Variants in GDPD4 observed in about 807,000 individuals in gnomAD.
GDPD4 encodes glycerophosphodiester phosphodiesterase domain containing 4, also known as glycerophosphodiester phosphodiesterase 6.
In GDPD4, 60 loss-of-function variants were observed where a neutral mutation model predicts 67.8. That is an observed-to-expected ratio of 0.88 (90% CI 0.72 to 1.10). The LOEUF (loss-of-function observed/expected upper bound fraction) is 1.10. GDPD4 is among the 50% of genes least tolerant of loss of function. The pLI is 0.00. For missense variants in GDPD4, 623 were observed against 613.9 expected (o/e 1.01, Z -0.16); for synonymous variants, 212 against 210.9 (o/e 1.00, Z -0.04).
intron 13 of GDPD4, among the ~76,000 whole-genome samples, chr11:77,243,357 C>T (rs1036461651): frequency 6.6e-6 from 1 of 152,082 alleles, no homozygotes; most frequent in Non-Finnish European, 1.5e-5. Flanking sequence ...AGGAAATAAA[C>T]GTTTTGAGTT....
intron 10 of GDPD4, among the ~76,000 whole-genome samples, chr11:77,258,902 G>A (rs912550396): frequency 6.6e-6 from 1 of 152,214 alleles, no homozygotes; most frequent in African/African-American, 2.4e-5. Context: ...CTAAGCAGGT[G>A]TCCACACAGT....
intron 11 of GDPD4, among the ~76,000 whole-genome samples, chr11:77,250,766 A>G (rs896303813): frequency 1.3e-5 from 2 of 152,244 alleles, no homozygotes; most frequent in African/African-American, 2.4e-5. Flanking sequence ...AGTCACCAAC[A>G]TTTACTGTGT....
chr11:77,229,218 A>G lies in GDPD4; in HGVS notation c.1404T>C (p.Tyr468=), dbSNP rs1427159980. 1.9e-6 allele frequency: 3 copies of G among 1,603,596 alleles called. No homozygotes were observed. The highest frequency in any genetic ancestry group is 1.7e-5 in the Admixed American group (1 of 58,582). Residue 468 remains tyrosine (Y), a synonymous_variant, in exon 15 of 17, where the codon TAT becomes TAC. Coordinates refer to ENST00000315938, the MANE Select transcript of GDPD4 (RefSeq NM_182833.3). ...TATCTGCAAGGAGCCACATGAACACATAGAACTTTGGTGTCTGAAAAACAT... is the reference window on the plus strand; with the variant it reads ...TATCTGCAAGGAGCCACATGAACACGTAGAACTTTGGTGTCTGAAAAACAT... ...HPHFFMTPKF[Y]VFMWLLADII...
In GDPD4 at chr11:77,252,065, GTT is replaced by G. The variant is rs71043561; in HGVS notation, c.864+6319_864+6320del. On this transcript the variant is annotated intron_variant, in intron 11 of 16. Transcript: ENST00000315938. Reference sequence around the variant, plus strand: ...TTTTTTGTTTGTTTGTTTTTTTTTTGTTTTTTTTTTTTTTTTGAGACAGAGTC... The same window carrying G: ...TTTTTTGTTTGTTTGTTTTTTTTTTGTTTTTTTTTTTTTTGAGACAGAGTC... 1.6e-4 allele frequency among the ~76,000 whole-genome samples: 21 copies of G among 127,424 alleles called. 1 individual carries two copies. Among genetic ancestry groups the G allele is most frequent in the African/African-American group, 5.4e-4 (18 of 33,426 alleles). The allele number at this position is 127,424 out of a possible 152,430, so 83.6% of individuals were successfully genotyped here.
intron 14 of GDPD4, among the ~76,000 whole-genome samples, chr11:77,231,571 T>C (rs1958455085): frequency 6.6e-6 from 1 of 152,214 alleles, no homozygotes; most frequent in Non-Finnish European, 1.5e-5. Context: ...TTCTTACATA[T>C]ATCCTTTTAA....
chr11:77,229,209 C>T lies in GDPD4; in HGVS notation c.1413G>A (p.Met471Ile), dbSNP rs1958406472. ...CAGAAATGATATCTGCAAGGAGCCA[C>T]ATGAACACATAGAACTTTGGTGTCT... ...FFMTPKFYVF[M>I]WLLADIISVL... Residue 471 changes from methionine to isoleucine, a missense_variant, in exon 15 of 17, where the codon ATG becomes ATA. Transcript: ENST00000315938. The T allele has an allele frequency of 6.2e-7, 1 of 1,606,820 alleles. No homozygotes were observed.
In GDPD4 at chr11:77,216,946, G is replaced by C; in HGVS notation, c.*331C>G. The C allele has an allele frequency of 1.4e-6, 1 of 702,574 alleles. No homozygotes were observed. Among genetic ancestry groups the C allele is most frequent in the East Asian group, 2.7e-5 (1 of 37,272 alleles). 43.5% of individuals were successfully genotyped at this position (702,574 alleles called of 1,614,324 possible). A position where few individuals can be genotyped will look rare whatever the true frequency, so the allele number is the denominator to read the frequency against. On this transcript the variant is annotated 3_prime_UTR_variant, in exon 17 of 17. Transcript: ENST00000315938. ...CTTAGAGGTCTCTTATTTAAGGATA[G>C]GGGACCTCTATGGAGGGCATGGTTG...
intron 1 of GDPD4, among the ~76,000 whole-genome samples, chr11:77,294,777 T>C (rs1023470029): frequency 2.0e-5 from 3 of 152,016 alleles, no homozygotes; most frequent in African/African-American, 7.2e-5. Flanking sequence ...TAGCGTGGAA[T>C]CAGCAAAAAG....
rs1395412466 is a variant in GDPD4 at position 77,271,340 on chromosome 11, G to A, written c.261C>T (p.Cys87=). 3 of 1,613,776 alleles carry A rather than the reference G, an allele frequency of 1.9e-6. No homozygotes were observed. The highest frequency in any genetic ancestry group is 2.5e-6 in the Non-Finnish European group (3 of 1,179,808). The change falls in exon 6 of 17, where the codon TGC becomes TGT. Residue 87 remains cysteine (C), a synonymous_variant. Coordinates refer to ENST00000315938, the MANE Select transcript of GDPD4 (RefSeq NM_182833.3). The part of the protein sequence containing the change: ...LLCVILMFII[C]KFWKERWLVA... ...CCAGCCACCTTTCTTTCCAGAATTT[G>A]CATATAATGAACATTAAAATGACAC...
At chr11:77,218,406 ATACTT>A (rs767468305) in intron 16 of GDPD4, among the ~76,000 whole-genome samples, 3 of 152,124 alleles carry the variant, frequency 2.0e-5, no homozygotes, top group Non-Finnish European at 2.9e-5. Context: ...TTTTATTATT[ATACTT>A]TAAGTTCTAG....
intron 13 of GDPD4, among the ~76,000 whole-genome samples, chr11:77,239,295 T>C (rs1042561822): frequency 6.6e-6 from 1 of 152,220 alleles, no homozygotes; most frequent in African/African-American, 2.4e-5. Context: ...AAGACAAAGA[T>C]GCCAAATCTC....
At position 77,227,865 on chromosome 11, in the gene GDPD4, T is replaced by A. The variant is rs200152769; in HGVS notation, c.1524A>T (p.Thr508=). The A allele has an allele frequency of 2.5e-5, 41 of 1,611,764 alleles. No individual in the cohort carries two copies. The Middle Eastern group carries it at 5.0e-4, about 20-fold the overall frequency. The part of the protein sequence containing the change: ...EKLFETSSTR[T]DTQSGSKNEE... ...AGTGGGCTAGGCCTCTGACTTTACC[T>A]GTGCGAGTGCTGGAGGTTTCAAACA... Residue 508 remains threonine (T), a splice_region_variant and synonymous_variant, in exon 16 of 17, where the codon ACA becomes ACT. Coordinates refer to ENST00000315938, the MANE Select transcript of GDPD4 (RefSeq NM_182833.3).
chr11:77,245,004 G>A (rs1229070550), intron 12 of GDPD4, among the ~76,000 whole-genome samples: 2 of 152,164 alleles, frequency 1.3e-5, no homozygotes, highest in Non-Finnish European at 2.9e-5. Flanking sequence ...ACATTAGATA[G>A]TTATTACACA....
intron 4 of GDPD4, 57 bp downstream of exon 4, chr11:77,279,249 G>T (rs995850353): frequency 1.8e-6 from 2 of 1,092,344 alleles, no homozygotes; most frequent in South Asian, 1.3e-5. Context: ...CCACAGGCAG[G>T]AACACCTCAT....
At chr11:77,217,875 T>TATCTA in intron 16 of GDPD4, among the ~76,000 whole-genome samples, 1 of 152,206 alleles carries the variant, frequency 6.6e-6, no homozygotes. Context: ...ATCTTAAAAT[T>TATCTA]ATCTATGCGT....
chr11:77,281,772 G>A (rs1030652233), intron 3 of GDPD4, among the ~76,000 whole-genome samples: 1 of 152,084 alleles, frequency 6.6e-6, no homozygotes, highest in African/African-American at 2.4e-5. Flanking sequence ...TGTGACTTGT[G>A]GGGGAAGGAA....
At position 77,243,681 on chromosome 11, in the gene GDPD4, G is replaced by T. The variant is rs1417717012; in HGVS notation, c.1241+13C>A. Reference sequence around the variant, plus strand: ...GGCAATATGTGCCAAGAGAGGTGTGGTCAAACACTTACCTTAACCCATTAG... The same window carrying T: ...GGCAATATGTGCCAAGAGAGGTGTGTTCAAACACTTACCTTAACCCATTAG... On this transcript the variant is annotated intron_variant, in intron 13 of 16. Coordinates refer to ENST00000315938, the MANE Select transcript of GDPD4 (RefSeq NM_182833.3). 4 of 1,606,350 alleles carry T rather than the reference G, an allele frequency of 2.5e-6. No homozygotes were observed. The highest frequency in any genetic ancestry group is 3.4e-6 in the Non-Finnish European group (4 of 1,173,104).
intron 5 of GDPD4, among the ~76,000 whole-genome samples, chr11:77,272,763 GAGA>G (rs1156990880): frequency 2.0e-5 from 3 of 150,874 alleles, no homozygotes; most frequent in Non-Finnish European, 2.9e-5. Context: ...GCAACGGAGT[GAGA>G]CTCTGCCTCA....
intron 1 of GDPD4, among the ~76,000 whole-genome samples, chr11:77,290,143 A>C (rs1937725282): frequency 6.6e-6 from 1 of 152,226 alleles, no homozygotes; most frequent in South Asian, 2.1e-4. Context: ...GAATTCCAAA[A>C]ACAGCAAGAG....
Sources: allele counts gnomAD v4.1 joint callset (sites outside exome capture counted in the v4.1 genomes callset), GRCh38; gene constraint gnomAD v4.1.1; transcripts MANE v1.5; gene names NCBI Gene and HGNC (gene_info 2026-07-23, HGNC 2026-07-21).